Variants in HDAC4 observed in about 807,000 individuals in gnomAD.
The protein encoded by HDAC4 is histone deacetylase 4, also known as histone deacetylase A.
Under a neutral mutation model 135.1 loss-of-function variants are expected in HDAC4, and 16 were observed. That is an observed-to-expected ratio of 0.12 (90% CI 0.08 to 0.18). HDAC4 has a LOEUF of 0.18. HDAC4 is among the 10% of genes least tolerant of loss of function. HDAC4 has a pLI of 1.00. For missense variants in HDAC4, 1,143 were observed against 1,511.8 expected, an observed-to-expected ratio of 0.76 and a Z score of 4.05; for synonymous variants, 685 against 653.4, an observed-to-expected ratio of 1.05 and a Z score of -0.74.
intron 2 of HDAC4, among the ~76,000 whole-genome samples, chr2:239,268,227 C>T (rs1284499471): frequency 1.3e-5 from 2 of 152,230 alleles, no homozygotes; most frequent in African/African-American, 2.4e-5. Flanking sequence ...ATGCCAACAG[C>T]GCTGGCCACT....
At position 239,352,129 on chromosome 2, in the gene HDAC4, G is replaced by C. The variant is rs1693211356; in HGVS notation, c.22+549C>G. ...CCACCTACCAGCTCTGTGACCTCAG[G>C]CAAATTACTTCTTCCCTCCAGGCCT... On this transcript the variant is annotated intron_variant, in intron 2 of 26. Transcript: ENST00000543185. This position sits in a 1 kb window ranked among gnomAD's most constrained non-coding sequence, Gnocchi z 4.4. Among the ~76,000 whole-genome samples the C allele has an allele frequency of 6.6e-6, 1 of 152,164 alleles. No individual in the cohort carries two copies. Among genetic ancestry groups the C allele is most frequent in the Non-Finnish European group, 1.5e-5 (1 of 68,022 alleles).
intron 15 of HDAC4, 120 bp downstream of exon 15, chr2:239,107,930 C>CG: frequency 7.9e-7 from 1 of 1,259,330 alleles, no homozygotes. Context: ...GCCCTTCCCC[C>CG]GGGGCTGTAA....
At chr2:239,089,783 C>A in intron 18 of HDAC4, 4 of 526,328 alleles carry the variant, frequency 7.6e-6, no homozygotes, top group Non-Finnish European at 1.0e-5. Context: ...GTTCTTAAGA[C>A]CCAAATCATT....
chr2:239,345,983 C>T (rs902706252), intron 2 of HDAC4, among the ~76,000 whole-genome samples: 1 of 148,356 alleles, frequency 6.7e-6, no homozygotes, highest in African/African-American at 2.5e-5. Context: ...ACACATATAC[C>T]ACCGTCTCAC....
chr2:239,260,114 T>TCA (rs1575548150), intron 2 of HDAC4, among the ~76,000 whole-genome samples: 2 of 152,266 alleles, frequency 1.3e-5, no homozygotes, highest in East Asian at 3.9e-4. Flanking sequence ...TTCCTTTTGG[T>TCA]GAAGTTCAGC....
intron 2 of HDAC4, among the ~76,000 whole-genome samples, chr2:239,316,832 G>A (rs1447393491): frequency 6.6e-6 from 1 of 152,176 alleles, no homozygotes; most frequent in Non-Finnish European, 1.5e-5. Context: ...GCAGGGGTAG[G>A]GGACCCGCTT....
intron 2 of HDAC4, among the ~76,000 whole-genome samples, chr2:239,328,840 G>A (rs1470611736): frequency 6.6e-6 from 1 of 152,256 alleles, no homozygotes; most frequent in Admixed American, 6.5e-5. Context: ...AGGAGCGGTG[G>A]AGCTGGGCTT....
intron 2 of HDAC4, among the ~76,000 whole-genome samples, chr2:239,282,947 A>G (rs1350858644): frequency 2.0e-5 from 3 of 152,028 alleles, no homozygotes; most frequent in African/African-American, 7.3e-5. Flanking sequence ...AACAATGTAC[A>G]CACCACTCTA....
At chr2:239,193,793 C>A (rs1055132956) in intron 3 of HDAC4, among the ~76,000 whole-genome samples, 2 of 152,262 alleles carry the variant, frequency 1.3e-5, no homozygotes, top group African/African-American at 4.8e-5. Context: ...GTGGAATTTT[C>A]TTTCTTCAAA....
At chr2:239,298,585 T>G (rs1424027136) in intron 2 of HDAC4, 3 of 1,018,600 alleles carry the variant, frequency 2.9e-6, no homozygotes, top group East Asian at 9.1e-5. Context: ...TCCACCCACA[T>G]CCGGTGCACA....
intron 2 of HDAC4, among the ~76,000 whole-genome samples, chr2:239,315,584 GA>G (rs2053082947): frequency 6.6e-6 from 1 of 152,212 alleles, no homozygotes; most frequent in Non-Finnish European, 1.5e-5. Flanking sequence ...GTGACAGTGA[GA>G]AAGTCCAGAA....
chr2:239,102,335 T>C (rs1174756893), intron 16 of HDAC4, among the ~76,000 whole-genome samples: 4 of 152,206 alleles, frequency 2.6e-5, no homozygotes, highest in Admixed American at 1.3e-4. Flanking sequence ...CTCCACCACC[T>C]GTGCAGGTGC....
At chr2:239,239,261 G>C (rs1406028239) in intron 2 of HDAC4, among the ~76,000 whole-genome samples, 1 of 152,218 alleles carries the variant, frequency 6.6e-6, no homozygotes, top group African/African-American at 2.4e-5. Context: ...CTCAGGTTCT[G>C]TAATTTGCTA....
At chr2:239,060,770 G>GT (rs1314749346) in intron 24 of HDAC4, among the ~76,000 whole-genome samples, 6 of 152,240 alleles carry the variant, frequency 3.9e-5, no homozygotes, top group African/African-American at 1.4e-4. Context: ...GAAGTTCAGC[G>GT]TAACTCTGTC....
At chr2:239,066,140 G>A (rs1004306485) in intron 24 of HDAC4, among the ~76,000 whole-genome samples, 9 of 152,186 alleles carry the variant, frequency 5.9e-5, no homozygotes, top group Admixed American at 3.9e-4. Context: ...CTCTCACCCC[G>A]AGCCCGTGGA....
intron 12 of HDAC4, among the ~76,000 whole-genome samples, chr2:239,123,284 C>T (rs1011811612): frequency 2.6e-5 from 4 of 152,224 alleles, no homozygotes; most frequent in East Asian, 1.9e-4. Context: ...GCGCCCGACA[C>T]GCCCACAGCC....
At chr2:239,145,492 G>A (rs963247495) in intron 7 of HDAC4, among the ~76,000 whole-genome samples, 8 of 152,206 alleles carry the variant, frequency 5.3e-5, no homozygotes, top group Non-Finnish European at 8.8e-5. Flanking sequence ...AACCTCCGGC[G>A]CGAGGCCCGC....
chr2:239,383,358 T>C (rs2126067013), intron 1 of HDAC4, among the ~76,000 whole-genome samples: 1 of 152,236 alleles, frequency 6.6e-6, no homozygotes, highest in East Asian at 1.9e-4. Context: ...CGTCAGTGTC[T>C]GTGAGTTCAG....
Position 239,055,467 on chromosome 2 carries a change from A to G in HDAC4, c.3004-634T>C, listed in dbSNP as rs536859801. The G allele has an allele frequency of 1.2e-3, 196 of 159,754 alleles. 1 individual carries two copies. The highest frequency in any genetic ancestry group is 9.8e-3 in the Middle Eastern group (3 of 306). The allele number at this position is 159,754 out of a possible 1,614,324, so 9.9% of individuals were successfully genotyped here. On this transcript the variant is annotated intron_variant, in intron 24 of 26. Transcript: ENST00000543185. The stretch of plus-strand genomic sequence containing the variant: ...CGTGGTGGCTCACGCCTGTAATCCC[A>G]GTACTTTGGGAGGCCGAGGCGGGTG...
Sources: allele counts gnomAD v4.1 joint callset (sites outside exome capture counted in the v4.1 genomes callset), GRCh38; gene constraint gnomAD v4.1.1; non-coding constraint Gnocchi (gnomAD v3.1); transcripts MANE v1.5; gene names NCBI Gene and HGNC (gene_info 2026-07-23, HGNC 2026-07-21).